The following LSAMP variants were observed in gnomAD, a reference collection of about 807,000 sequenced individuals.
LSAMP encodes the protein limbic system associated membrane protein, also known as limbic system-associated membrane protein.
A neutral mutation model predicts 38.6 loss-of-function variants in LSAMP; 7 were observed. The ratio of observed to expected loss-of-function variants is 0.18; its 90% CI spans 0.10 to 0.34. The LOEUF (loss-of-function observed/expected upper bound fraction) is 0.34. LSAMP is among the 10% of genes least tolerant of loss of function. The pLI, the probability that LSAMP is intolerant of heterozygous loss-of-function variation, is 1.00. For missense variants in LSAMP, 313 were observed against 420.0 expected, an observed-to-expected ratio of 0.75 and a Z score of 2.23; for synonymous variants, 154 against 166.8, an observed-to-expected ratio of 0.92 and a Z score of 0.59.
chr3:116,321,143 A>G (rs2047700878), intron 1 of LSAMP, among the ~76,000 whole-genome samples: 1 of 152,162 alleles, frequency 6.6e-6, no homozygotes, highest in South Asian at 2.1e-4. Flanking sequence ...GAGGGGTGGT[A>G]GGATCACTTG....
intron 1 of LSAMP, among the ~76,000 whole-genome samples, chr3:116,267,133 G>A (rs910999207): frequency 3.9e-5 from 6 of 152,152 alleles, no homozygotes; most frequent in African/African-American, 1.4e-4. Context: ...TATACACTGA[G>A]CTGGAATGCA....
chr3:116,304,220 C>A (rs1401319246), intron 1 of LSAMP, among the ~76,000 whole-genome samples: 4 of 151,724 alleles, frequency 2.6e-5, no homozygotes, highest in Non-Finnish European at 5.9e-5. Context: ...GGAAAGCAGG[C>A]ATGAAAAAGA....
Position 116,334,606 on chromosome 3 carries a change from A to G in LSAMP, c.155+110271T>C, listed in dbSNP as rs962021763. Among the ~76,000 whole-genome samples, 170 of 152,272 alleles carry G rather than the reference A, an allele frequency of 1.1e-3. 2 individuals are homozygous for G. The highest frequency in any genetic ancestry group is 0.011 in the Admixed American group (167 of 15,290). On this transcript the variant is annotated intron_variant, in intron 1 of 6. Transcript: ENST00000490035. ...TTCAACACACACAAAAAGTCAATCAATGTAATATATCACATTAACAGAATG... is the reference window on the plus strand; with the variant it reads ...TTCAACACACACAAAAAGTCAATCAGTGTAATATATCACATTAACAGAATG...
chr3:116,411,652 G>A (rs2048979489), intron 1 of LSAMP, among the ~76,000 whole-genome samples: 2 of 147,398 alleles, frequency 1.4e-5, no homozygotes, highest in Non-Finnish European at 3.0e-5. Context: ...GGGAGGGATA[G>A]CATTAGGAGA....
chr3:116,263,158 C>CAAAG (rs1316296134), intron 1 of LSAMP, among the ~76,000 whole-genome samples: 1 of 152,060 alleles, frequency 6.6e-6, no homozygotes, highest in Non-Finnish European at 1.5e-5. Flanking sequence ...ACAAACACAA[C>CAAAG]AAAGAATGTA....
chr3:115,941,174 T>C (rs1472469041), intron 3 of LSAMP, among the ~76,000 whole-genome samples: 1 of 152,014 alleles, frequency 6.6e-6, no homozygotes, highest in Non-Finnish European at 1.5e-5. Context: ...GGTCAACAGG[T>C]ATATGAAAAC....
rs1435743236 is a variant in LSAMP, at chr3:116,185,045, T to TTTC, written c.156-98490_156-98489insGAA. On this transcript the variant is annotated intron_variant, in intron 1 of 6. Coordinates refer to ENST00000490035, the MANE Select transcript of LSAMP (RefSeq NM_002338.5). ...TTCTTTCTTTCTTTTTTTTTTTTTT[T>TTTC]CAGTTCTCACATTTTGGCACAGTTT... Among the ~76,000 whole-genome samples, 201 of 147,472 alleles carry TTTC rather than the reference T, an allele frequency of 1.4e-3. 1 individual carries two copies. Among genetic ancestry groups the TTTC allele is most frequent in the African/African-American group, 4.6e-3 (187 of 40,534 alleles).
chr3:116,289,314 A>G (rs564856375), intron 1 of LSAMP, among the ~76,000 whole-genome samples: 4 of 152,340 alleles, frequency 2.6e-5, no homozygotes, highest in Non-Finnish European at 4.4e-5. Context: ...ACAATGTACC[A>G]TAACATATGA....
In LSAMP at chr3:116,123,165, T is replaced by A. The variant is rs377260270; in HGVS notation, c.156-36609A>T. On this transcript the variant is annotated intron_variant, in intron 1 of 6. Coordinates refer to ENST00000490035, the MANE Select transcript of LSAMP (RefSeq NM_002338.5). Reference sequence around the variant, plus strand: ...ATTATTAGTGTTGGATCATGTCTCCTCTACCCACATGTAAACAGATATAAC... The same window carrying A: ...ATTATTAGTGTTGGATCATGTCTCCACTACCCACATGTAAACAGATATAAC... Among the ~76,000 whole-genome samples, 43 of 152,342 alleles carry A rather than the reference T, an allele frequency of 2.8e-4. No individual in the cohort carries two copies. The East Asian group carries it at 6.2e-3, about 22-fold the overall frequency.
At chr3:116,180,134 T>C (rs1576415330) in intron 1 of LSAMP, among the ~76,000 whole-genome samples, 1 of 152,304 alleles carries the variant, frequency 6.6e-6, no homozygotes, top group African/African-American at 2.4e-5. Flanking sequence ...AGAGGTAATA[T>C]GTACAATGAA....
In LSAMP at chr3:116,445,206, T is replaced by C. The variant is rs1431019117; in HGVS notation, c.-175A>G. On this transcript the variant is annotated 5_prime_UTR_variant, in exon 1 of 7. Transcript: ENST00000490035. ...TTTCCCTCGCTCAGTCTCTTTTCCC[T>C]CTAAGACTTAACAAAGCCCTCATAA... is the stretch of plus-strand genomic sequence containing the variant. The C allele has an allele frequency of 1.6e-6, 1 of 622,252 alleles. No individual in the cohort carries two copies. Among genetic ancestry groups the C allele is most frequent in the Non-Finnish European group, 2.8e-6 (1 of 357,270 alleles). 38.5% of individuals were successfully genotyped at this position (622,252 alleles called of 1,614,324 possible). A position where few individuals can be genotyped will look rare whatever the true frequency, so the allele number is the denominator to read the frequency against.
At chr3:115,819,156 A>G (rs1476743115) in intron 6 of LSAMP, among the ~76,000 whole-genome samples, 1 of 151,738 alleles carries the variant, frequency 6.6e-6, no homozygotes, top group Non-Finnish European at 1.5e-5. Context: ...TCTCAAAAAA[A>G]CAAAAGTGGC....
chr3:115,859,260 G>T (rs946118722), intron 3 of LSAMP, among the ~76,000 whole-genome samples: 1 of 152,172 alleles, frequency 6.6e-6, no homozygotes, highest in Admixed American at 6.6e-5. Flanking sequence ...CTGATTGAAA[G>T]AAGGCAGGGA....
intron 1 of LSAMP, among the ~76,000 whole-genome samples, chr3:116,317,404 G>A (rs1195344347): frequency 6.7e-6 from 1 of 148,174 alleles, no homozygotes; most frequent in African/African-American, 2.5e-5. Context: ...CTCCCAGGCT[G>A]GAGCGCAGTG....
intron 1 of LSAMP, among the ~76,000 whole-genome samples, chr3:116,366,147 T>G (rs1333985404): frequency 2.7e-5 from 4 of 148,954 alleles, no homozygotes; most frequent in Non-Finnish European, 5.9e-5. Flanking sequence ...ATATCCAGAG[T>G]CTATAAGGAA....
intron 2 of LSAMP, among the ~76,000 whole-genome samples, chr3:116,040,056 A>T (rs1941135372): frequency 1.3e-5 from 2 of 152,148 alleles, no homozygotes; most frequent in African/African-American, 4.8e-5. Flanking sequence ...ACAGAAGGCA[A>T]TGGAAAGCTC....
chr3:116,439,158 A>G (rs754906622), intron 1 of LSAMP, among the ~76,000 whole-genome samples: 2 of 152,098 alleles, frequency 1.3e-5, no homozygotes, highest in Non-Finnish European at 2.9e-5. Flanking sequence ...TGGCAGCAGT[A>G]TTTTTTAGAA....
chr3:116,141,726 A>G (rs796929276), intron 1 of LSAMP, among the ~76,000 whole-genome samples: 19 of 152,062 alleles, frequency 1.2e-4, no homozygotes, highest in African/African-American at 4.6e-4. Context: ...CAGATTCCCC[A>G]GGAAACAGCC....
At chr3:115,965,980 C>G (rs569503584) in intron 3 of LSAMP, among the ~76,000 whole-genome samples, 1 of 152,314 alleles carries the variant, frequency 6.6e-6, no homozygotes, top group African/African-American at 2.4e-5. Context: ...ATTGGTCTTT[C>G]TCTTCTTTCT....
Sources: allele counts gnomAD v4.1 joint callset (sites outside exome capture counted in the v4.1 genomes callset), GRCh38; gene constraint gnomAD v4.1.1; transcripts MANE v1.5; gene names NCBI Gene and HGNC (gene_info 2026-07-23, HGNC 2026-07-21).